STX8: variants seen among roughly 807,000 people sequenced by gnomAD.
STX8 encodes syntaxin-8.
In STX8, 23 loss-of-function variants were observed where a neutral mutation model predicts 37.5. That is an observed-to-expected ratio of 0.61 (90% confidence interval 0.44 to 0.87). The LOEUF (loss-of-function observed/expected upper bound fraction) is 0.87, where lower values mean the gene tolerates loss of function less well. Among genes scored for constraint, STX8 ranks in the 40% least tolerant of loss-of-function variants. The pLI is 0.00. For synonymous variants in STX8, 115 were observed against 99.1 expected, an observed-to-expected ratio of 1.16 and a Z score of -0.95; for missense variants, 313 against 284.7, an observed-to-expected ratio of 1.10 and a Z score of -0.71.
intron 5 of STX8, among the ~76,000 whole-genome samples, chr17:9,501,802 T>C (rs1445692755): frequency 1.3e-5 from 2 of 151,038 alleles, no homozygotes; most frequent in Admixed American, 6.6e-5. Flanking sequence ...TGAAACCCCA[T>C]CTCTAAAATA....
intron 6 of STX8, among the ~76,000 whole-genome samples, chr17:9,406,765 T>C (rs1912817414): frequency 6.6e-6 from 1 of 152,178 alleles, no homozygotes; most frequent in South Asian, 2.1e-4. Context: ...ATCTGAGAGT[T>C]TTTTCAAATT....
intron 7 of STX8, among the ~76,000 whole-genome samples, chr17:9,371,908 T>C (rs527784419): frequency 6.6e-6 from 1 of 152,214 alleles, no homozygotes; most frequent in Admixed American, 6.5e-5. Context: ...TTCAGATTCA[T>C]GTCCATGGTC....
intron 4 of STX8, among the ~76,000 whole-genome samples, chr17:9,535,279 A>C (rs1327117307): frequency 6.6e-6 from 1 of 152,092 alleles, no homozygotes; most frequent in Non-Finnish European, 1.5e-5. Context: ...AAAGTTTAAC[A>C]ACTTTCTTTG....
At chr17:9,292,825 T>C (rs1449533395) in intron 7 of STX8, among the ~76,000 whole-genome samples, 2 of 152,212 alleles carry the variant, frequency 1.3e-5, no homozygotes, top group Non-Finnish European at 2.9e-5. Flanking sequence ...TCTAAGAATG[T>C]GCTCTGCAGT....
At chr17:9,371,570 A>AT (rs1911402177) in intron 7 of STX8, among the ~76,000 whole-genome samples, 1 of 151,966 alleles carries the variant, frequency 6.6e-6, no homozygotes. Context: ...TATTAAGATC[A>AT]TAATTTAACT....
intron 4 of STX8, among the ~76,000 whole-genome samples, chr17:9,536,785 C>T (rs1194364366): frequency 6.6e-6 from 1 of 151,764 alleles, no homozygotes; most frequent in Non-Finnish European, 1.5e-5. Flanking sequence ...CTCTTGTTGC[C>T]CAAGCTGGAG....
At chr17:9,473,930 G>A (rs540859591) in intron 6 of STX8, among the ~76,000 whole-genome samples, 136 of 152,304 alleles carry the variant, frequency 8.9e-4, no homozygotes, top group African/African-American at 3.2e-3. Flanking sequence ...CAAAGAAAGG[G>A]CTAGCCATAC....
intron 6 of STX8, among the ~76,000 whole-genome samples, chr17:9,488,642 A>C (rs1906708319): frequency 6.6e-6 from 1 of 152,204 alleles, no homozygotes; most frequent in Admixed American, 6.5e-5. Context: ...TCATGGGCCA[A>C]GGAATGTAGC....
At chr17:9,257,817 G>A (rs973470198) in intron 7 of STX8, among the ~76,000 whole-genome samples, 2 of 152,138 alleles carry the variant, frequency 1.3e-5, no homozygotes, top group Non-Finnish European at 2.9e-5. Flanking sequence ...GCCAAACCCC[G>A]TCTCTACTAA....
intron 7 of STX8, among the ~76,000 whole-genome samples, chr17:9,350,922 CA>C (rs1453046875): frequency 2.0e-5 from 3 of 152,162 alleles, no homozygotes; most frequent in Admixed American, 2.0e-4. Flanking sequence ...GAAATTTCAT[CA>C]GGCATTCCTT....
At chr17:9,378,743 T>C in intron 6 of STX8, 90 bp from the exon 7 acceptor site, 9 of 941,496 alleles carry the variant, frequency 9.6e-6, no homozygotes, top group Non-Finnish European at 1.4e-5. Context: ...CTAGCAATAA[T>C]GATCTCGAGT....
intron 7 of STX8, among the ~76,000 whole-genome samples, chr17:9,328,969 G>A (rs2142215002): frequency 7.3e-6 from 1 of 137,728 alleles, no homozygotes; most frequent in African/African-American, 2.7e-5. Context: ...AGAATCACTT[G>A]AACCCAGGAG....
At chr17:9,337,072 G>A (rs1296669691) in intron 7 of STX8, among the ~76,000 whole-genome samples, 2 of 151,892 alleles carry the variant, frequency 1.3e-5, no homozygotes, top group Non-Finnish European at 2.9e-5. Flanking sequence ...CTCAGACAAT[G>A]CCTAAGAGGA....
At chr17:9,369,106 A>C (rs1911322227) in intron 7 of STX8, among the ~76,000 whole-genome samples, 1 of 152,132 alleles carries the variant, frequency 6.6e-6, no homozygotes, top group African/African-American at 2.4e-5. Context: ...TTTTAGCTCC[A>C]GTTCCTAGCC....
At chr17:9,419,054 G>T (rs910132651) in intron 6 of STX8, among the ~76,000 whole-genome samples, 2 of 150,744 alleles carry the variant, frequency 1.3e-5, no homozygotes, top group Non-Finnish European at 3.0e-5. Context: ...CTCCTTAGTA[G>T]CTGGGACTAC....
intron 6 of STX8, among the ~76,000 whole-genome samples, chr17:9,400,256 C>T (rs1912559478): frequency 6.6e-6 from 1 of 151,718 alleles, no homozygotes; most frequent in Non-Finnish European, 1.5e-5. Context: ...GCGCCCGCCA[C>T]CACGCTCAGC....
intron 6 of STX8, among the ~76,000 whole-genome samples, chr17:9,489,199 A>C (rs1462270964): frequency 6.6e-6 from 1 of 152,116 alleles, no homozygotes; most frequent in Non-Finnish European, 1.5e-5. Flanking sequence ...AAGCCACTAA[A>C]CTGGTGGTAA....
At chr17:9,320,800 C>G (rs1909549676) in intron 7 of STX8, among the ~76,000 whole-genome samples, 1 of 151,386 alleles carries the variant, frequency 6.6e-6, no homozygotes, top group African/African-American at 2.4e-5. Context: ...AGTCAAGAGG[C>G]TGAGGCAGGA....
chr17:9,300,187 C>T (rs531559183), intron 7 of STX8, among the ~76,000 whole-genome samples: 4 of 151,986 alleles, frequency 2.6e-5, no homozygotes, highest in South Asian at 4.2e-4. Flanking sequence ...CAAAATTAGC[C>T]GGGCATGGTG....
Sources: allele counts gnomAD v4.1 joint callset (sites outside exome capture counted in the v4.1 genomes callset), GRCh38; gene constraint gnomAD v4.1.1; transcripts MANE v1.5; gene names NCBI Gene and HGNC (gene_info 2026-07-23, HGNC 2026-07-21).